The following CASK variants were observed in gnomAD, a reference collection of about 807,000 sequenced individuals.
CASK encodes calcium/calmodulin dependent serine protein kinase.
A neutral mutation model predicts 82.9 loss-of-function variants in CASK; 4 were observed. That is an observed-to-expected ratio of 0.05 (90% confidence interval 0.02 to 0.11). The LOEUF (loss-of-function observed/expected upper bound fraction) is 0.11, where lower values mean the gene tolerates loss of function less well. Ranked by LOEUF, CASK falls within the 10% of genes least tolerant of loss-of-function variation. CASK has a pLI of 1.00. For missense variants in CASK, 358 were observed against 720.9 expected (o/e 0.50, Z 5.76); for synonymous variants, 259 against 253.5 (o/e 1.02, Z -0.20).
intron 2 of CASK, among the ~76,000 whole-genome samples, chrX:41,791,618 G>A (rs1223142352): frequency 9.2e-6 from 1 of 108,695 alleles, no homozygotes; most frequent in Admixed American, 9.9e-5. Flanking sequence ...AGCTACTCGG[G>A]AGGCTGAGAC....
At chrX:41,594,655 T>C (rs2065792218) in intron 12 of CASK, among the ~76,000 whole-genome samples, 1 of 111,982 alleles carries the variant, frequency 8.9e-6, no homozygotes, top group African/African-American at 3.2e-5. Flanking sequence ...CATGTGTGTG[T>C]TTCCCATGAG....
intron 6 of CASK, among the ~76,000 whole-genome samples, chrX:41,669,441 T>C (rs2067165502): frequency 9.0e-6 from 1 of 111,269 alleles, no homozygotes; most frequent in Non-Finnish European, 1.9e-5. Context: ...AGGATATAGA[T>C]CCAGAGCAAC....
intron 22 of CASK, among the ~76,000 whole-genome samples, chrX:41,539,517 A>G (rs1006317210): frequency 8.9e-6 from 1 of 111,946 alleles, no homozygotes. Context: ...TCCTTTTGAG[A>G]TATTGTTTGA....
intron 5 of CASK, among the ~76,000 whole-genome samples, chrX:41,701,553 C>T (rs1409101963): frequency 8.9e-6 from 1 of 111,737 alleles, no homozygotes; most frequent in Admixed American, 9.5e-5. Flanking sequence ...ATAAACTATG[C>T]GGCATTCCCA....
chrX:41,886,084 T>C (rs1184339695), intron 1 of CASK, among the ~76,000 whole-genome samples: 1 of 111,854 alleles, frequency 8.9e-6, no homozygotes, highest in Admixed American at 9.5e-5. Flanking sequence ...CCAATCATTA[T>C]AATCTGTTGC....
chrX:41,873,249 T>C (rs1316810405), intron 1 of CASK, among the ~76,000 whole-genome samples: 1 of 70,617 alleles, frequency 1.4e-5, no homozygotes, highest in African/African-American at 6.0e-5. Context: ...GGGAAGAAAA[T>C]GCAAAGCTAA....
chrX:41,813,904 CA>C (rs763359513), intron 2 of CASK, among the ~76,000 whole-genome samples: 1 of 111,560 alleles, frequency 9.0e-6, no homozygotes, highest in East Asian at 2.8e-4. Context: ...AAGAAAAAAA[CA>C]AACAACCCCA....
chrX:41,901,561 TA>T (rs767873533), intron 1 of CASK, among the ~76,000 whole-genome samples: 1 of 111,622 alleles, frequency 9.0e-6, no homozygotes, highest in South Asian at 3.8e-4. Context: ...AAAAGCCTTT[TA>T]CCAGTCAGCC....
chrX:41,601,188 G>T (rs1370662537), intron 12 of CASK, among the ~76,000 whole-genome samples: 2 of 111,146 alleles, frequency 1.8e-5, no homozygotes, highest in Non-Finnish European at 3.8e-5. Flanking sequence ...GATGATGGTT[G>T]TATAACAATG....
chrX:41,696,326 C>T, intron 5 of CASK: 1 of 1,173,343 alleles, frequency 8.5e-7, no homozygotes, highest in Non-Finnish European at 1.1e-6. Context: ...GGCTAATTTT[C>T]TTACTAATAA....
At chrX:41,777,698 G>C (rs1245460887) in intron 3 of CASK, among the ~76,000 whole-genome samples, 2 of 110,898 alleles carry the variant, frequency 1.8e-5, no homozygotes, top group African/African-American at 6.6e-5. Flanking sequence ...CTTGACTTGG[G>C]TTATAGTTAC....
At chrX:41,582,224 T>C (rs1480231806) in intron 14 of CASK, among the ~76,000 whole-genome samples, 2 of 112,192 alleles carry the variant, frequency 1.8e-5, no homozygotes, top group African/African-American at 6.5e-5. Flanking sequence ...GATTAGATAT[T>C]TTCCTGCGTG....
chrX:41,757,859 A>G (rs1263498123), intron 3 of CASK, among the ~76,000 whole-genome samples: 3 of 112,163 alleles, frequency 2.7e-5, no homozygotes, highest in Middle Eastern at 4.6e-3. Context: ...TCTATAGACA[A>G]ATAGAGAGCA....
chrX:41,544,552 C>T (rs1287655343), intron 21 of CASK, among the ~76,000 whole-genome samples: 1 of 85,635 alleles, frequency 1.2e-5, no homozygotes, highest in Non-Finnish European at 2.2e-5. Flanking sequence ...GGCAACCGAG[C>T]GAGACCTTGT....
intron 5 of CASK, among the ~76,000 whole-genome samples, chrX:41,681,713 G>C (rs2067358438): frequency 9.0e-6 from 1 of 111,152 alleles, no homozygotes; most frequent in African/African-American, 3.3e-5. Flanking sequence ...GGTAGGCTGA[G>C]GCAGGTGGAT....
chrX:41,750,254 A>C (rs2068764861), intron 3 of CASK, among the ~76,000 whole-genome samples: 1 of 112,655 alleles, frequency 8.9e-6, no homozygotes, highest in Non-Finnish European at 1.9e-5. Flanking sequence ...TATTCAACGA[A>C]ATTTAAAATA....
intron 11 of CASK, among the ~76,000 whole-genome samples, chrX:41,614,127 T>TTGATA (rs1317644714): frequency 2.7e-5 from 3 of 112,052 alleles, no homozygotes; most frequent in African/African-American, 9.7e-5. Context: ...GATATTGACA[T>TTGATA]TGATACAGTC....
chrX:41,884,047 C>T (rs2072001243), intron 1 of CASK, among the ~76,000 whole-genome samples: 1 of 111,887 alleles, frequency 8.9e-6, no homozygotes, highest in Non-Finnish European at 1.9e-5. Flanking sequence ...CTGTTAATTT[C>T]TCACTGATCA....
chrX:41,836,794 C>G (rs1046910263), intron 2 of CASK, among the ~76,000 whole-genome samples: 16 of 111,476 alleles, frequency 1.4e-4, no homozygotes, highest in African/African-American at 3.9e-4. Context: ...CATAGTCAAG[C>G]AAATGATGAC....
Sources: gnomAD v4.1 joint callset for allele counts (sites outside exome capture counted in the v4.1 genomes callset) on GRCh38, gnomAD v4.1.1 for gene constraint, MANE v1.5 for transcripts, NCBI Gene and HGNC (gene_info 2026-07-23, HGNC 2026-07-21) for gene names.